DNAJC10: variants seen among roughly 807,000 people sequenced by gnomAD.
DNAJC10 encodes the protein DnaJ heat shock protein family (Hsp40) member C10, also known as endoplasmic reticulum disulfide reductase DNAJC10.
DNAJC10 carries 101 observed loss-of-function variants against 115.0 expected under a neutral mutation model. The ratio of observed to expected loss-of-function variants is 0.88; its 90% CI spans 0.75 to 1.04. The LOEUF is 1.04. DNAJC10 is among the 50% of genes least tolerant of loss of function. DNAJC10 has a pLI of 0.00. For synonymous variants in DNAJC10, 307 were observed against 301.5 expected, an observed-to-expected ratio of 1.02 and a Z score of -0.19; for missense variants, 981 against 928.8, an observed-to-expected ratio of 1.06 and a Z score of -0.73.
chr2:182,784,249 C>T lies in DNAJC10; in HGVS notation c.*7117C>T, dbSNP rs1470489271. ...CTGAGACAGGAGAATTGCATGAACCCGGAGGCAAAGGTTGCAGTGAGCAGA... is the reference window on the plus strand; with the variant it reads ...CTGAGACAGGAGAATTGCATGAACCTGGAGGCAAAGGTTGCAGTGAGCAGA... On this transcript the variant is annotated 3_prime_UTR_variant, in exon 24 of 24. Coordinates refer to ENST00000264065, the MANE Select transcript of DNAJC10 (RefSeq NM_018981.4). 1 of 151,926 alleles carries T rather than the reference C, an allele frequency of 6.6e-6. No homozygotes were observed. Among genetic ancestry groups the T allele is most frequent in the Non-Finnish European group, 1.5e-5 (1 of 68,006 alleles). The allele number at this position is 151,926 out of a possible 1,614,324, so 9.4% of individuals were successfully genotyped here. A position where few individuals can be genotyped will look rare whatever the true frequency, so the allele number is the denominator to read the frequency against.
chr2:182,792,045 G>T lies in DNAJC10; in HGVS notation c.*14913G>T, dbSNP rs1343876574. ...TTGATTAGTATGTTTCCCTGTCCTA[G>T]AGTGCATGAACTTTCAAAGCCAGGA... On this transcript the variant is annotated 3_prime_UTR_variant, in exon 24 of 24. Transcript: ENST00000264065. 2 of 152,056 alleles carry T rather than the reference G, an allele frequency of 1.3e-5. No homozygotes were observed. The highest frequency in any genetic ancestry group is 2.9e-5 in the Non-Finnish European group (2 of 68,000). The allele number at this position is 152,056 out of a possible 1,614,324, so 9.4% of individuals were successfully genotyped here.
rs900018265 is a variant in DNAJC10 at position 182,781,021 on chromosome 2, G to A, written c.*3889G>A. 5.9e-5 allele frequency: 9 copies of A among 151,892 alleles called. No homozygotes were observed. Among genetic ancestry groups the A allele is most frequent in the African/African-American group, 1.9e-4 (8 of 41,338 alleles). 9.4% of individuals were successfully genotyped at this position (151,892 alleles called of 1,614,324 possible). ...CTGCAATACATGTGCAGAACATGCA[G>A]GTTTGTTACATAGGTATACATGTGC... is the stretch of plus-strand genomic sequence containing the variant. On this transcript the variant is annotated 3_prime_UTR_variant, in exon 24 of 24. Transcript: ENST00000264065.
intron 22 of DNAJC10, among the ~76,000 whole-genome samples, chr2:182,769,663 T>C (rs2105701202): frequency 6.6e-6 from 1 of 152,206 alleles, no homozygotes; most frequent in Admixed American, 6.5e-5. Context: ...GCCCACTTTT[T>C]GATGGGTTTT....
chr2:182,746,286 G>C (rs1693864040), intron 14 of DNAJC10, among the ~76,000 whole-genome samples: 1 of 152,178 alleles, frequency 6.6e-6, no homozygotes, highest in African/African-American at 2.4e-5. Flanking sequence ...GGTATTTCCA[G>C]TTCTAGATCC....
In DNAJC10 at chr2:182,775,437, G is replaced by C. The variant is rs761117655; in HGVS notation, c.2370+17G>C. 6.4e-7 allele frequency: 1 copy of C among 1,570,370 alleles called. No individual in the cohort carries two copies. The highest frequency in any genetic ancestry group is 1.1e-5 in the South Asian group (1 of 87,328). ...AGGAATAAGGTATGGACTAAGCCTA[G>C]AGTTGACTTTGGCAAAAGTTGGCAA... is the stretch of plus-strand genomic sequence containing the variant. On this transcript the variant is annotated intron_variant, in intron 23 of 23. Transcript: ENST00000264065.
At chr2:182,727,473 A>G (rs1278012581) in intron 5 of DNAJC10, among the ~76,000 whole-genome samples, 10 of 152,232 alleles carry the variant, frequency 6.6e-5, no homozygotes, top group Non-Finnish European at 1.5e-4. Flanking sequence ...GGTCTAAACC[A>G]ATATGGCAAT....
At chr2:182,758,079 C>T (rs1694201787) in intron 19 of DNAJC10, among the ~76,000 whole-genome samples, 1 of 152,016 alleles carries the variant, frequency 6.6e-6, no homozygotes, top group South Asian at 2.1e-4. Flanking sequence ...CCTTAAACAC[C>T]TTATTTGGTT....
chr2:182,752,057 T>C lies in DNAJC10; in HGVS notation c.1435-15T>C. On this transcript the variant is annotated splice_polypyrimidine_tract_variant and intron_variant, in intron 15 of 23. Transcript: ENST00000264065. ...TCATTTGGCTCGGTGCTTATGAATATTTTTTCTTTCCTAGTGGTGTCCACC... is the reference window on the plus strand; with the variant it reads ...TCATTTGGCTCGGTGCTTATGAATACTTTTTCTTTCCTAGTGGTGTCCACC... The C allele has an allele frequency of 1.3e-6, 2 of 1,588,538 alleles. No homozygotes were observed. The highest frequency in any genetic ancestry group is 2.7e-5 in the African/African-American group (2 of 74,208).
chr2:182,721,930 A>T, intron 4 of DNAJC10, 95 bp from the exon 5 acceptor site: 1 of 701,086 alleles, frequency 1.4e-6, no homozygotes, highest in Non-Finnish European at 2.3e-6. Context: ...TAGTAGTTTG[A>T]TTTTTTTGAT....
At chr2:182,772,129 TTGAG>T (rs1350116109) in intron 22 of DNAJC10, among the ~76,000 whole-genome samples, 1 of 152,220 alleles carries the variant, frequency 6.6e-6, no homozygotes, top group Non-Finnish European at 1.5e-5. Context: ...TTGTGTGGTT[TTGAG>T]TGAGTTTCTT....
intron 14 of DNAJC10, among the ~76,000 whole-genome samples, chr2:182,746,805 C>A (rs1693880284): frequency 6.6e-6 from 1 of 152,022 alleles, no homozygotes; most frequent in African/African-American, 2.4e-5. Flanking sequence ...AGTCCTTTCC[C>A]ATGCCTGTGT....
chr2:182,757,642 T>C (rs750726998), intron 18 of DNAJC10, 50 bp from the exon 19 acceptor site: 4 of 1,368,552 alleles, frequency 2.9e-6, no homozygotes, highest in Non-Finnish European at 3.9e-6. Context: ...ATTTCTTTAT[T>C]GCAAACATAT....
intron 22 of DNAJC10, 24 bp downstream of exon 22, chr2:182,762,825 C>T: frequency 6.2e-7 from 1 of 1,604,416 alleles, no homozygotes; most frequent in Non-Finnish European, 8.5e-7. Flanking sequence ...TTCCTCTGTT[C>T]CTTCCCTTAG....
chr2:182,789,679 T>C lies in DNAJC10; in HGVS notation c.*12547T>C, dbSNP rs545831162. The C allele has an allele frequency of 2.6e-5, 4 of 152,340 alleles. No homozygotes were observed. The South Asian group carries it at 8.3e-4, about 32-fold the overall frequency. 9.4% of individuals were successfully genotyped at this position (152,340 alleles called of 1,614,324 possible). A position where few individuals can be genotyped will look rare whatever the true frequency, so the allele number is the denominator to read the frequency against. On this transcript the variant is annotated 3_prime_UTR_variant, in exon 24 of 24. Coordinates refer to ENST00000264065, the MANE Select transcript of DNAJC10 (RefSeq NM_018981.4). ...TATCAGAAACCCTGCTTTCAGTTCT[T>C]TCAGCTATATACCTAGAAGTGTAAG... is the stretch of plus-strand genomic sequence containing the variant.
rs1383404669 is a variant in DNAJC10, at chr2:182,783,542, CCTTT to C, written c.*6414_*6417del. ...AATCATTTATTTACAAAACATCTTC[CCTTT>C]CTTATCATGAAAATTATGAAGATGA... On this transcript the variant is annotated 3_prime_UTR_variant, in exon 24 of 24. Coordinates refer to ENST00000264065, the MANE Select transcript of DNAJC10 (RefSeq NM_018981.4). 29 of 152,200 alleles carry C rather than the reference CCTTT, an allele frequency of 1.9e-4. No homozygotes were observed. The highest frequency in any genetic ancestry group is 6.5e-4 in the African/African-American group (27 of 41,534). 9.4% of individuals were successfully genotyped at this position (152,200 alleles called of 1,614,324 possible).
intron 17 of DNAJC10, among the ~76,000 whole-genome samples, chr2:182,755,486 G>T (rs1431040047): frequency 6.8e-6 from 1 of 146,134 alleles, no homozygotes; most frequent in Non-Finnish European, 1.5e-5. Context: ...ACTTACAGGG[G>T]ACTCCTAGAA....
rs1401564243 is a variant in DNAJC10 at position 182,718,217 on chromosome 2, A to G, written c.131A>G (p.Lys44Arg). 1 of 1,613,520 alleles carries G rather than the reference A, an allele frequency of 6.2e-7. No homozygotes were observed. Among genetic ancestry groups the G allele is most frequent in the Non-Finnish European group, 8.5e-7 (1 of 1,179,824 alleles). ...TTTTACAGTTTACTTGGAGTGTCCA[A>G]AACTGCAAGCAGTAGAGAAATAAGA... The part of the protein sequence containing the change: ...QDFYSLLGVS[K>R]TASSREIRQA... The change falls in exon 3 of 24, where the codon AAA (lysine) becomes AGA (arginine). Residue 44 changes from lysine to arginine, a missense_variant. Physicochemically the swap from Lys to Arg is conservative, Grantham distance 26. Coordinates refer to ENST00000264065, the MANE Select transcript of DNAJC10 (RefSeq NM_018981.4).
chr2:182,742,335 G>T (rs551165092), intron 13 of DNAJC10, among the ~76,000 whole-genome samples: 1 of 152,066 alleles, frequency 6.6e-6, no homozygotes, highest in Non-Finnish European at 1.5e-5. Context: ...GACTACAGGC[G>T]CATGCCACCA....
rs1456322993 is a variant in DNAJC10 at position 182,791,783 on chromosome 2, T to A, written c.*14651T>A. 6.6e-6 allele frequency: 1 copy of A among 152,188 alleles called. No individual in the cohort carries two copies. Among genetic ancestry groups the A allele is most frequent in the Non-Finnish European group, 1.5e-5 (1 of 68,018 alleles). 9.4% of individuals were successfully genotyped at this position (152,188 alleles called of 1,614,324 possible). ...GGAGTTTAGTCATTTCAGTCACATG[T>A]TTCTAATACATGATAAGATTTGCAG... On this transcript the variant is annotated 3_prime_UTR_variant, in exon 24 of 24. Transcript: ENST00000264065.
Sources: gnomAD v4.1 joint callset for allele counts (sites outside exome capture counted in the v4.1 genomes callset) on GRCh38, gnomAD v4.1.1 for gene constraint, MANE v1.5 for transcripts, NCBI Gene and HGNC (gene_info 2026-07-23, HGNC 2026-07-21) for gene names.